The following PCDHA1 variants were observed in gnomAD, a reference collection of about 807,000 sequenced individuals.
PCDHA1 encodes the protein protocadherin alpha 1, also known as protocadherin alpha-1.
A neutral mutation model predicts 61.3 loss-of-function variants in PCDHA1; 42 were observed. The observed-to-expected ratio is 0.69, with a 90% CI of 0.54 to 0.89. PCDHA1 has a LOEUF of 0.89. Ranked by LOEUF, PCDHA1 falls within the 40% of genes least tolerant of loss-of-function variation. PCDHA1 has a pLI of 0.00. For synonymous variants in PCDHA1, 610 were observed against 553.8 expected (o/e 1.10, Z -1.43); for missense variants, 1,256 against 1,235.3 (o/e 1.02, Z -0.25).
intron 1 of PCDHA1, chr5:140,843,223 T>G (rs1296347203): frequency 6.3e-7 from 1 of 1,595,904 alleles, no homozygotes; most frequent in Non-Finnish European, 8.6e-7. Flanking sequence ...TCAGCACCAC[T>G]CGTGTCCTGG....
chr5:140,982,154 G>A (rs1304368371), intron 2 of PCDHA1, among the ~76,000 whole-genome samples: 3 of 152,210 alleles, frequency 2.0e-5, no homozygotes, highest in East Asian at 1.9e-4. Flanking sequence ...CTTCAGTATC[G>A]AGATGTTAAA....
At chr5:140,819,439 A>C (rs1299042347) in intron 1 of PCDHA1, among the ~76,000 whole-genome samples, 2 of 152,158 alleles carry the variant, frequency 1.3e-5, no homozygotes, top group African/African-American at 4.8e-5. Context: ...TTTAAATCTA[A>C]ATTTTTTTCT....
chr5:140,937,039 C>CTTTTT, intron 1 of PCDHA1, among the ~76,000 whole-genome samples: 1 of 140,166 alleles, frequency 7.1e-6, no homozygotes, highest in Non-Finnish European at 1.5e-5. Flanking sequence ...TTCCATTTAT[C>CTTTTT]TTTTTTTTTT....
intron 3 of PCDHA1, among the ~76,000 whole-genome samples, chr5:140,989,765 C>T (rs2097359812): frequency 6.6e-6 from 1 of 152,166 alleles, no homozygotes; most frequent in South Asian, 2.1e-4. Context: ...ATATTCAGTT[C>T]AAGCACTGGC....
intron 1 of PCDHA1, among the ~76,000 whole-genome samples, chr5:140,921,875 A>G (rs1414785128): frequency 6.6e-6 from 1 of 152,118 alleles, no homozygotes; most frequent in Non-Finnish European, 1.5e-5. Flanking sequence ...CAGTATATAT[A>G]TAAGATTTTA....
chr5:140,990,136 A>C (rs996616541), intron 3 of PCDHA1, among the ~76,000 whole-genome samples: 1 of 152,198 alleles, frequency 6.6e-6, no homozygotes, highest in African/African-American at 2.4e-5. Context: ...GTCAGACTCA[A>C]GAGGCATAAT....
chr5:140,927,265 C>G lies in PCDHA1; in HGVS notation c.2395-51684C>G, dbSNP rs2084026948. The G allele has an allele frequency of 6.2e-7, 1 of 1,614,168 alleles. No individual in the cohort carries two copies. Among genetic ancestry groups the G allele is most frequent in the Non-Finnish European group, 8.5e-7 (1 of 1,180,038 alleles). On this transcript the variant is annotated intron_variant, in intron 1 of 3. Coordinates refer to ENST00000504120, the MANE Select transcript of PCDHA1 (RefSeq NM_018900.4). ...CACCAATGACAACTCACCTCTCTTTCCTGCCGGCGACGTGCAGCTGCACAT... is the reference window on the plus strand; with the variant it reads ...CACCAATGACAACTCACCTCTCTTTGCTGCCGGCGACGTGCAGCTGCACAT...
At chr5:140,847,063 C>T (rs1366357065) in intron 1 of PCDHA1, among the ~76,000 whole-genome samples, 2 of 149,510 alleles carry the variant, frequency 1.3e-5, no homozygotes, top group Non-Finnish European at 3.0e-5. Flanking sequence ...CAGAAAGCAT[C>T]AATATGACAA....
intron 1 of PCDHA1, among the ~76,000 whole-genome samples, chr5:140,789,192 G>A (rs1278166068): frequency 1.3e-5 from 2 of 152,202 alleles, no homozygotes; most frequent in Non-Finnish European, 2.9e-5. Context: ...GCTTATGCCT[G>A]TAATCCCAAA....
At chr5:140,797,355 G>A in intron 1 of PCDHA1, 1 of 1,613,166 alleles carries the variant, frequency 6.2e-7, no homozygotes, top group Non-Finnish European at 8.5e-7. Flanking sequence ...TAGGAAAGGT[G>A]AGTCTTTTAC....
At chr5:140,832,848 G>C (rs2150204756) in intron 1 of PCDHA1, among the ~76,000 whole-genome samples, 1 of 152,162 alleles carries the variant, frequency 6.6e-6, no homozygotes, top group East Asian at 1.9e-4. Context: ...GAAGGAGACC[G>C]TGAAGAGTCA....
intron 1 of PCDHA1, chr5:140,871,252 T>A (rs782280300): frequency 2.5e-6 from 4 of 1,613,990 alleles, no homozygotes; most frequent in Non-Finnish European, 1.7e-6. Context: ...GCTGCTGCTG[T>A]ATACGGCGCT....
intron 1 of PCDHA1, chr5:140,828,530 C>T: frequency 3.1e-6 from 5 of 1,614,226 alleles, no homozygotes; most frequent in Non-Finnish European, 4.2e-6. Flanking sequence ...CGAATCTAGG[C>T]TGCCAGATTC....
chr5:140,988,423 T>G (rs2097297373), intron 3 of PCDHA1, among the ~76,000 whole-genome samples: 2 of 152,176 alleles, frequency 1.3e-5, no homozygotes. Context: ...GTAAAGAATT[T>G]GTTTGTTTTG....
rs2150477798 is a variant in PCDHA1 at position 140,850,289 on chromosome 5, C to T, written c.2394+61605C>T. On this transcript the variant is annotated intron_variant, in intron 1 of 3. Coordinates refer to ENST00000504120, the MANE Select transcript of PCDHA1 (RefSeq NM_018900.4). ...TGGTGGGGAAGGTGCGCGCAGTGGA[C>T]GCCGACTCGGGCTACAACGCGTGGC... 1.9e-6 allele frequency: 3 copies of T among 1,595,826 alleles called. No homozygotes were observed. In the East Asian group the frequency reaches 6.7e-5, roughly 36 times the overall value.
rs112848471 is a variant in PCDHA1, at chr5:140,995,109, C to G, written c.2542+12546C>G. ...TATCTGTGGAGATACATTCCAAGAC[C>G]CTCAGTGGATGCCTGAAACCTCATT... On this transcript the variant is annotated intron_variant, in intron 3 of 3. Transcript: ENST00000504120. Among the ~76,000 whole-genome samples, 792 of 152,268 alleles carry G rather than the reference C, an allele frequency of 5.2e-3. 8 individuals are homozygous for G. Among genetic ancestry groups the G allele is most frequent in the African/African-American group, 0.019 (770 of 41,540 alleles).
At position 140,787,433 on chromosome 5, in the gene PCDHA1, C is replaced by T; in HGVS notation, c.1143C>T (p.Ala381=). 2 of 1,614,252 alleles carry T rather than the reference C, an allele frequency of 1.2e-6. No individual in the cohort carries two copies. The highest frequency in any genetic ancestry group is 1.7e-6 in the Non-Finnish European group (2 of 1,180,036). Residue 381 remains alanine (A), a synonymous_variant, in exon 1 of 4, where the codon GCC becomes GCT. Coordinates refer to ENST00000504120, the MANE Select transcript of PCDHA1 (RefSeq NM_018900.4). Reference sequence around the variant, plus strand: ...CCGTGTCTGACCGTGACTCAGGTGCCAACGGGCAGGTGACTTGCTCCTTAA... The same window carrying T: ...CCGTGTCTGACCGTGACTCAGGTGCTAACGGGCAGGTGACTTGCTCCTTAA... ...LITVSDRDSG[A]NGQVTCSLMP...
chr5:140,981,264 C>T (rs2096925155), intron 2 of PCDHA1, among the ~76,000 whole-genome samples: 1 of 152,128 alleles, frequency 6.6e-6, no homozygotes, highest in Non-Finnish European at 1.5e-5. Flanking sequence ...TCAAGATAAG[C>T]AAATGTCTAG....
intron 1 of PCDHA1, chr5:140,861,648 T>C (rs1380826146): frequency 1.0e-5 from 3 of 287,022 alleles, no homozygotes; most frequent in African/African-American, 6.6e-5. Context: ...AAAGAATCTG[T>C]TTCTGAAACG....
Sources: allele counts gnomAD v4.1 joint callset (sites outside exome capture counted in the v4.1 genomes callset), GRCh38; gene constraint gnomAD v4.1.1; transcripts MANE v1.5; gene names NCBI Gene and HGNC (gene_info 2026-07-23, HGNC 2026-07-21).